Variants in SYN3 observed in about 807,000 individuals in gnomAD.
SYN3 encodes synapsin III, also known as synapsin-3.
Under a neutral mutation model 65.8 loss-of-function variants are expected in SYN3, and 35 were observed. The observed-to-expected ratio is 0.53, with a 90% CI of 0.41 to 0.70. The LOEUF is 0.70. SYN3 is among the 30% of genes least tolerant of loss of function. The pLI, the probability that SYN3 is intolerant of heterozygous loss-of-function variation, is 0.00. For synonymous variants in SYN3, 270 were observed against 292.9 expected, an observed-to-expected ratio of 0.92 and a Z score of 0.80; for missense variants, 680 against 749.0, an observed-to-expected ratio of 0.91 and a Z score of 1.08.
chr22:32,750,617 T>C lies in SYN3; in HGVS notation c.711+114298A>G, dbSNP rs2045089072. Among the ~76,000 whole-genome samples, 2 of 152,046 alleles carry C rather than the reference T, an allele frequency of 1.3e-5. 1 individual carries two copies. Among genetic ancestry groups the C allele is most frequent in the South Asian group, 4.1e-4 (2 of 4,822 alleles). ...TAGAAGGGTGACCTACACTTTGCAG[T>C]GTCATCCTGCTCTGCTGAGAATATA... On this transcript the variant is annotated intron_variant, in intron 6 of 13. Coordinates refer to ENST00000358763, the MANE Select transcript of SYN3 (RefSeq NM_003490.4).
chr22:32,794,571 T>C (rs1168247423), intron 6 of SYN3, among the ~76,000 whole-genome samples: 1 of 152,196 alleles, frequency 6.6e-6, no homozygotes, highest in Non-Finnish European at 1.5e-5. Context: ...ATTTGTTCAA[T>C]GTCTACTATG....
intron 1 of SYN3, among the ~76,000 whole-genome samples, chr22:33,040,863 T>C (rs1408816129): frequency 2.6e-5 from 4 of 152,134 alleles, no homozygotes; most frequent in Admixed American, 2.0e-4. Context: ...TCCCCAGCCA[T>C]GCTGAACTGT....
intron 6 of SYN3, among the ~76,000 whole-genome samples, chr22:32,654,582 T>C (rs2060116991): frequency 6.6e-6 from 1 of 151,824 alleles, no homozygotes; most frequent in Admixed American, 6.6e-5. Context: ...GGTACTTCTG[T>C]CTCTCTCCAC....
chr22:32,834,319 A>AT (rs1406376891), intron 6 of SYN3, among the ~76,000 whole-genome samples: 3 of 45,358 alleles, frequency 6.6e-5, no homozygotes, highest in African/African-American at 1.4e-4. Context: ...CATCTGGCTA[A>AT]TTTATTTTTT....
intron 4 of SYN3, among the ~76,000 whole-genome samples, chr22:32,881,302 A>G (rs1274403489): frequency 6.6e-6 from 1 of 152,158 alleles, no homozygotes; most frequent in Admixed American, 6.5e-5. Flanking sequence ...ATGGGAGAGC[A>G]CATTTCAAAC....
intron 6 of SYN3, among the ~76,000 whole-genome samples, chr22:32,808,980 G>T (rs2046839666): frequency 6.6e-6 from 1 of 152,170 alleles, no homozygotes; most frequent in African/African-American, 2.4e-5. Flanking sequence ...CTGTCTTCTG[G>T]TGGACATGAT....
At chr22:32,590,510 T>A (rs1162744304) in intron 7 of SYN3, among the ~76,000 whole-genome samples, 1 of 152,234 alleles carries the variant, frequency 6.6e-6, no homozygotes, top group Non-Finnish European at 1.5e-5. Flanking sequence ...TGTGCTTTGG[T>A]CACACATGCA....
chr22:32,831,389 G>GTT (rs2047569143), intron 6 of SYN3, among the ~76,000 whole-genome samples: 1 of 152,146 alleles, frequency 6.6e-6, no homozygotes, highest in Non-Finnish European at 1.5e-5. Flanking sequence ...GATATCCTCT[G>GTT]AAGAGTCTAC....
intron 6 of SYN3, among the ~76,000 whole-genome samples, chr22:32,817,133 G>A (rs553226419): frequency 6.6e-6 from 1 of 151,822 alleles, no homozygotes; most frequent in Non-Finnish European, 1.5e-5. Flanking sequence ...TGGGAGAATC[G>A]CTTGAGTCCA....
intron 3 of SYN3, among the ~76,000 whole-genome samples, chr22:32,941,961 TG>T (rs1359668014): frequency 6.6e-6 from 1 of 152,152 alleles, no homozygotes; most frequent in Non-Finnish European, 1.5e-5. Context: ...AAGCTCAAAC[TG>T]GGAAGCCCAC....
chr22:32,636,089 C>T (rs369391402), intron 6 of SYN3, among the ~76,000 whole-genome samples: 1 of 152,094 alleles, frequency 6.6e-6, no homozygotes, highest in African/African-American at 2.4e-5. Context: ...GCTAAGAACC[C>T]TGACAAGGAC....
intron 3 of SYN3, among the ~76,000 whole-genome samples, chr22:32,961,837 A>C (rs1375044406): frequency 2.6e-5 from 4 of 152,230 alleles, no homozygotes; most frequent in African/African-American, 9.6e-5. Flanking sequence ...AAACAGACCA[A>C]ATTCTCAACG....
At chr22:33,047,472 C>A (rs1457905130) in intron 1 of SYN3, among the ~76,000 whole-genome samples, 3 of 152,128 alleles carry the variant, frequency 2.0e-5, no homozygotes, top group Non-Finnish European at 4.4e-5. Context: ...CAGTCCTAGC[C>A]CCGAACATTT....
intron 2 of SYN3, among the ~76,000 whole-genome samples, chr22:32,991,370 A>ATAATAG (rs1556097991): frequency 4.1e-5 from 6 of 146,968 alleles, no homozygotes; most frequent in African/African-American, 1.5e-4. Context: ...AATAATAATA[A>ATAATAG]TAGTAATAAT....
At chr22:32,561,470 G>A (rs189607183) in intron 7 of SYN3, among the ~76,000 whole-genome samples, 365 of 152,272 alleles carry the variant, frequency 2.4e-3, no homozygotes, top group African/African-American at 8.5e-3. Context: ...TGAGGCTCTA[G>A]TCTCCAGAAT....
intron 4 of SYN3, among the ~76,000 whole-genome samples, chr22:32,887,519 G>A (rs994958127): frequency 2.0e-5 from 3 of 152,174 alleles, no homozygotes; most frequent in African/African-American, 7.2e-5. Flanking sequence ...TGCCAGTTGA[G>A]CTTCCAGATA....
chr22:32,693,034 G>C (rs2060687244), intron 6 of SYN3, among the ~76,000 whole-genome samples: 1 of 152,034 alleles, frequency 6.6e-6, no homozygotes, highest in Non-Finnish European at 1.5e-5. Context: ...TACATTTCAA[G>C]ACCACCAGTG....
chr22:33,001,396 T>A (rs2053055195), intron 2 of SYN3, among the ~76,000 whole-genome samples: 1 of 152,186 alleles, frequency 6.6e-6, no homozygotes, highest in African/African-American at 2.4e-5. Flanking sequence ...TCATTCACTG[T>A]TCCCCTACCC....
At chr22:32,535,747 C>A (rs557389889) in intron 9 of SYN3, among the ~76,000 whole-genome samples, 1 of 151,090 alleles carries the variant, frequency 6.6e-6, no homozygotes, top group South Asian at 2.1e-4. Flanking sequence ...GAAGGGGCTG[C>A]AGGCGTACAG....
Sources: allele counts gnomAD v4.1 joint callset (sites outside exome capture counted in the v4.1 genomes callset), GRCh38; gene constraint gnomAD v4.1.1; transcripts MANE v1.5; gene names NCBI Gene and HGNC (gene_info 2026-07-23, HGNC 2026-07-21).